The following MGST1 variants were observed in gnomAD, a reference collection of about 807,000 sequenced individuals.
MGST1 encodes the protein microsomal glutathione S-transferase 1.
Under a neutral mutation model 8.9 loss-of-function variants are expected in MGST1, and 5 were observed. The ratio of observed to expected loss-of-function variants is 0.56; its 90% confidence interval spans 0.29 to 1.19. The LOEUF (loss-of-function observed/expected upper bound fraction) is 1.19, where lower values mean the gene tolerates loss of function less well. Among genes scored for constraint, MGST1 ranks in the 50% most tolerant of loss-of-function variants. MGST1 has a pLI of 0.08. For missense variants in MGST1, 182 were observed against 187.4 expected (o/e 0.97, Z 0.17); for synonymous variants, 54 against 67.8 (o/e 0.80, Z 1.00).
intron 4 of MGST1, among the ~76,000 whole-genome samples, chr12:16,461,560 A>T (rs1004320476): frequency 6.6e-6 from 1 of 152,158 alleles, no homozygotes; most frequent in African/African-American, 2.4e-5. Context: ...AAAACTCTCT[A>T]GGAAAAATAG....
intron 4 of MGST1, among the ~76,000 whole-genome samples, chr12:16,516,088 C>A (rs979526598): frequency 6.6e-6 from 1 of 152,122 alleles, no homozygotes; most frequent in Non-Finnish European, 1.5e-5. Flanking sequence ...AATGTCAGGC[C>A]TTAGCATTAG....
chr12:16,524,758 C>G (rs1454121001), intron 4 of MGST1, among the ~76,000 whole-genome samples: 3 of 152,014 alleles, frequency 2.0e-5, no homozygotes, highest in African/African-American at 7.2e-5. Context: ...CTATTATATA[C>G]AGAGCTTACA....
At chr12:16,529,532 G>T (rs1591753018) in intron 4 of MGST1, among the ~76,000 whole-genome samples, 1 of 152,090 alleles carries the variant, frequency 6.6e-6, no homozygotes. Context: ...TAATATACCT[G>T]TCTTTACAAA....
chr12:16,360,986 C>T (rs9332933), intron 3 of MGST1, among the ~76,000 whole-genome samples: 1 of 148,018 alleles, frequency 6.8e-6, no homozygotes, highest in South Asian at 2.1e-4. Context: ...GTGTTCCCCC[C>T]CTCCCCGCCC....
chr12:16,474,995 C>T (rs1450035477), intron 4 of MGST1, among the ~76,000 whole-genome samples: 1 of 152,100 alleles, frequency 6.6e-6, no homozygotes. Context: ...GCTAATGCAC[C>T]ATGTGAACAG....
At chr12:16,557,717 T>C (rs1348554105) in intron 4 of MGST1, among the ~76,000 whole-genome samples, 1 of 152,198 alleles carries the variant, frequency 6.6e-6, no homozygotes, top group East Asian at 1.9e-4. Context: ...GTTCCTGACA[T>C]TTAACATAAA....
chr12:16,422,426 G>T (rs966381413), intron 1 of MGST1, among the ~76,000 whole-genome samples: 9 of 151,998 alleles, frequency 5.9e-5, no homozygotes, highest in African/African-American at 2.2e-4. Context: ...TAACAAAATG[G>T]CCTATTTTCA....
intron 1 of MGST1, among the ~76,000 whole-genome samples, chr12:16,411,412 C>G (rs554189333): frequency 6.6e-6 from 1 of 152,126 alleles, no homozygotes; most frequent in African/African-American, 2.4e-5. Flanking sequence ...GTGAGATAGT[C>G]AAAGGAAGAG....
Position 16,401,589 on chromosome 12 carries a change from C to T in MGST1, n.778+17985C>T, listed in dbSNP as rs538667169. The stretch of plus-strand genomic sequence containing the variant: ...CAGGTTGGAGCAATAAGACTCGAAG[C>T]GAATACCCATGGCACAAGTGATAGC... On this transcript the variant is annotated intron_variant and non_coding_transcript_variant, in intron 1 of 1. Transcript: ENST00000359720. This position sits in a 1 kb window ranked among gnomAD's most constrained non-coding sequence, Gnocchi z 4.3. 584 of 1,416,214 alleles carry T rather than the reference C, an allele frequency of 4.1e-4. 5 individuals carry two copies. The highest frequency in any genetic ancestry group is 5.3e-4 in the Middle Eastern group (3 of 5,676). 87.7% of individuals were successfully genotyped at this position (1,416,214 alleles called of 1,614,324 possible). A position where few individuals can be genotyped will look rare whatever the true frequency, so the allele number is the denominator to read the frequency against.
rs556310704 is a variant in MGST1, at chr12:16,481,453, C to G, written n.482+97849C>G. On this transcript the variant is annotated intron_variant and non_coding_transcript_variant, in intron 4 of 4. Transcript: ENST00000538857. ...ATATTTAAAATGTTGAAAGAGAAAA[C>G]AAAATTGAAGATATGTCTAGGATCC... 2.6e-5 allele frequency among the ~76,000 whole-genome samples: 4 copies of G among 152,118 alleles called. No homozygotes were observed. The East Asian group carries it at 7.7e-4, about 29-fold the overall frequency.
At chr12:16,509,055 A>G (rs1941559132) in intron 4 of MGST1, among the ~76,000 whole-genome samples, 1 of 152,194 alleles carries the variant, frequency 6.6e-6, no homozygotes, top group African/African-American at 2.4e-5. Context: ...TTGAATTAAT[A>G]TGAATTATTA....
exon 2 of MGST1, chr12:16,438,092 C>G (rs1941004482): frequency 6.6e-6 from 1 of 151,928 alleles, no homozygotes; most frequent in African/African-American, 2.4e-5. Context: ...GTAAAATCAA[C>G]TATGTGGCAC....
chr12:16,497,128 CA>C lies in MGST1; in HGVS notation n.483-92399del, dbSNP rs1941475772. 6.6e-6 allele frequency among the ~76,000 whole-genome samples: 1 copy of C among 152,034 alleles called. No homozygotes were observed. Among genetic ancestry groups the C allele is most frequent in the Non-Finnish European group, 1.5e-5 (1 of 67,986 alleles). On this transcript the variant is annotated intron_variant and non_coding_transcript_variant, in intron 4 of 4. Transcript: ENST00000538857. The surrounding 1 kb of genome is among the most constrained non-coding windows in gnomAD (Gnocchi z 4.4). ...ATGCCAGAAGGGAAAAGATGAGAAC[CA>C]CTGAATCTGCATCCTTTGCTGTCGG...
chr12:16,515,487 A>G (rs1941606493), intron 4 of MGST1, among the ~76,000 whole-genome samples: 1 of 151,988 alleles, frequency 6.6e-6, no homozygotes, highest in African/African-American at 2.4e-5. Context: ...AAAATCAGTC[A>G]GGCATAGTAG....
chr12:16,440,383 C>T (rs116978872), downstream of MGST1, among the ~76,000 whole-genome samples: 4,154 of 151,838 alleles, frequency 0.027, 86 homozygotes, highest in Non-Finnish European at 0.045. Context: ...TCCTCATGCT[C>T]CTTTCTAGCC....
chr12:16,381,012 C>G (rs931009871), downstream of MGST1, among the ~76,000 whole-genome samples: 11 of 152,150 alleles, frequency 7.2e-5, no homozygotes, highest in African/African-American at 2.7e-4. Flanking sequence ...TTCCTCCATC[C>G]CTTTATTTTG....
rs533293857 is a variant in MGST1, at chr12:16,544,637, A to G, written n.483-44891A>G. 6.6e-6 allele frequency among the ~76,000 whole-genome samples: 1 copy of G among 152,230 alleles called. No individual in the cohort carries two copies. The highest frequency in any genetic ancestry group is 2.4e-5 in the African/African-American group (1 of 41,566). On this transcript the variant is annotated intron_variant and non_coding_transcript_variant, in intron 4 of 4. Transcript: ENST00000538857. The surrounding 1 kb of genome is among the most constrained non-coding windows in gnomAD (Gnocchi z 4.8). Reference sequence around the variant, plus strand: ...GAATTAGCCAAATATCTAACAGGAAATTTGACTACATAGGTTCAAGTCCTT... The same window carrying G: ...GAATTAGCCAAATATCTAACAGGAAGTTTGACTACATAGGTTCAAGTCCTT...
chr12:16,463,637 GTTTT>G lies in MGST1; in HGVS notation n.482+80041_482+80044del, dbSNP rs545860017. Among the ~76,000 whole-genome samples the G allele has an allele frequency of 5.4e-5, 8 of 146,816 alleles. No individual in the cohort carries two copies. In the East Asian group the frequency reaches 1.6e-3, roughly 29 times the overall value. On this transcript the variant is annotated intron_variant and non_coding_transcript_variant, in intron 4 of 4. Coordinates refer to the MGST1 transcript ENST00000538857. Reference sequence around the variant, plus strand: ...AAAAAAAAGAAATCAGTGAGGCAGAGTTTTTTTTTTTAAGCAGAAAAAATATTTT... The same window carrying G: ...AAAAAAAAGAAATCAGTGAGGCAGAGTTTTTTTAAGCAGAAAAAATATTTT...
intron 4 of MGST1, among the ~76,000 whole-genome samples, chr12:16,509,126 A>G (rs1941559690): frequency 6.6e-6 from 1 of 152,154 alleles, no homozygotes; most frequent in Non-Finnish European, 1.5e-5. Context: ...TGTTCTTTTC[A>G]CAGGAAATGT....
Sources: allele counts gnomAD v4.1 joint callset (sites outside exome capture counted in the v4.1 genomes callset), GRCh38; gene constraint gnomAD v4.1.1; non-coding constraint Gnocchi (gnomAD v3.1); transcripts MANE v1.5; gene names NCBI Gene and HGNC (gene_info 2026-07-23, HGNC 2026-07-21).